The following FRMD3 variants were observed in gnomAD, a reference collection of about 807,000 sequenced individuals.
FRMD3 encodes the protein FERM domain-containing protein 3.
Under a neutral mutation model 70.2 loss-of-function variants are expected in FRMD3, and 33 were observed. The observed-to-expected ratio is 0.47, with a 90% CI of 0.36 to 0.63. FRMD3 has a LOEUF of 0.63. Ranked by LOEUF, FRMD3 falls within the 20% of genes least tolerant of loss-of-function variation. The pLI is 0.00. For missense variants in FRMD3, 632 were observed against 711.4 expected, an observed-to-expected ratio of 0.89 and a Z score of 1.27; for synonymous variants, 279 against 255.9, an observed-to-expected ratio of 1.09 and a Z score of -0.86.
chr9:83,465,330 C>T (rs1166627713), intron 1 of FRMD3, among the ~76,000 whole-genome samples: 1 of 152,174 alleles, frequency 6.6e-6, no homozygotes, highest in Non-Finnish European at 1.5e-5. Flanking sequence ...TGGCTCATGC[C>T]TGTAAGCTCA....
At chr9:83,327,573 T>C in intron 6 of FRMD3, among the ~76,000 whole-genome samples, 1 of 152,190 alleles carries the variant, frequency 6.6e-6, no homozygotes. Context: ...CTGGAGTGCC[T>C]CTAGGGGATT....
chr9:83,513,218 C>A (rs1249940005), intron 1 of FRMD3, among the ~76,000 whole-genome samples: 1 of 152,180 alleles, frequency 6.6e-6, no homozygotes, highest in South Asian at 2.1e-4. Flanking sequence ...GGTCATTTGG[C>A]CACACAAAAC....
chr9:83,310,243 A>G (rs1293132256), intron 9 of FRMD3, among the ~76,000 whole-genome samples: 1 of 152,188 alleles, frequency 6.6e-6, no homozygotes, highest in Non-Finnish European at 1.5e-5. Flanking sequence ...TCCAAAGTCT[A>G]TCCCAGTCTG....
At position 83,309,566 on chromosome 9, in the gene FRMD3, T is replaced by C. The variant is rs1368186964; in HGVS notation, c.896A>G (p.Lys299Arg). 1 of 1,599,282 alleles carries C rather than the reference T, an allele frequency of 6.3e-7. No homozygotes were observed. The highest frequency in any genetic ancestry group is 8.5e-7 in the Non-Finnish European group (1 of 1,173,060). The change falls in exon 10 of 14, where the codon AAG becomes AGG. Residue 299 changes from lysine (K) to arginine (R), a missense_variant. Around this residue, in one of 3 missense-constraint regions of FRMD3, gnomAD observed 418 missense variants for 442.1 expected, o/e 0.95. Transcript: ENST00000304195. The stretch of plus-strand genomic sequence containing the variant: ...AAAGGCCTGGTTTTCCACTCCACAC[T>C]TCCAAAGATGTTTGCAGGCAGCTGG... ...STPAACKHLW[K>R]CGVENQAFYK...
chr9:83,400,652 T>G (rs1384473078), intron 1 of FRMD3, among the ~76,000 whole-genome samples: 3 of 152,268 alleles, frequency 2.0e-5, no homozygotes, highest in Admixed American at 1.3e-4. Flanking sequence ...GTTACAGTGA[T>G]GAAGGCAATG....
chr9:83,260,760 A>G (rs550453387), intron 13 of FRMD3, among the ~76,000 whole-genome samples: 1 of 152,238 alleles, frequency 6.6e-6, no homozygotes, highest in Non-Finnish European at 1.5e-5. Flanking sequence ...CAGTCCCTCA[A>G]ATGTTTTCTA....
chr9:83,514,191 C>T (rs1564112186), intron 1 of FRMD3, among the ~76,000 whole-genome samples: 1 of 152,178 alleles, frequency 6.6e-6, no homozygotes, highest in South Asian at 2.1e-4. Flanking sequence ...CCCATGGAGC[C>T]CAACAAGCTA....
At chr9:83,289,367 T>C (rs1053408721) in intron 13 of FRMD3, among the ~76,000 whole-genome samples, 1 of 152,214 alleles carries the variant, frequency 6.6e-6, no homozygotes, top group African/African-American at 2.4e-5. Flanking sequence ...TGTAGCCCAG[T>C]TGAAGACAAG....
At chr9:83,352,852 C>T (rs1261596219) in intron 3 of FRMD3, among the ~76,000 whole-genome samples, 1 of 152,082 alleles carries the variant, frequency 6.6e-6, no homozygotes, top group Non-Finnish European at 1.5e-5. Context: ...TACAATAGGC[C>T]CACAGTCTTA....
intron 1 of FRMD3, among the ~76,000 whole-genome samples, chr9:83,408,364 T>C (rs75386076): frequency 6.6e-6 from 1 of 151,690 alleles, no homozygotes; most frequent in Non-Finnish European, 1.5e-5. Context: ...AAAAAAAAAA[T>C]ATCACAAACA....
At chr9:83,439,690 T>A (rs61424289) in intron 1 of FRMD3, among the ~76,000 whole-genome samples, 1 of 151,948 alleles carries the variant, frequency 6.6e-6, no homozygotes, top group South Asian at 2.1e-4. Flanking sequence ...CATCATTAGA[T>A]ACATATTATG....
chr9:83,566,912 A>G, the FRMD3 span, among the ~76,000 whole-genome samples: 1 of 152,152 alleles, frequency 6.6e-6, no homozygotes, highest in Admixed American at 6.5e-5. Context: ...CTGTTGGTGG[A>G]TCTACCATTC....
chr9:83,409,274 T>A (rs967362191), intron 1 of FRMD3, among the ~76,000 whole-genome samples: 1 of 152,186 alleles, frequency 6.6e-6, no homozygotes, highest in African/African-American at 2.4e-5. Flanking sequence ...CTCTCAATAT[T>A]GCATGTTACT....
chr9:83,564,819 G>A, the FRMD3 span, among the ~76,000 whole-genome samples: 5 of 152,262 alleles, frequency 3.3e-5, no homozygotes, highest in South Asian at 8.3e-4. Flanking sequence ...CCTGTACGAC[G>A]TGCATCCCAG....
At chr9:83,360,498 T>G (rs1824546389) in intron 3 of FRMD3, among the ~76,000 whole-genome samples, 1 of 152,198 alleles carries the variant, frequency 6.6e-6, no homozygotes, top group Non-Finnish European at 1.5e-5. Flanking sequence ...ACACTCATGC[T>G]GCCAGCATGT....
chr9:83,379,977 C>T (rs1021617779), intron 2 of FRMD3, among the ~76,000 whole-genome samples: 4 of 152,174 alleles, frequency 2.6e-5, no homozygotes, highest in African/African-American at 9.7e-5. Context: ...TAATCCTCTA[C>T]TCCCCTACAA....
At position 83,290,605 on chromosome 9, in the gene FRMD3, T is replaced by G. The variant is rs1834378104; in HGVS notation, c.1193A>C (p.Glu398Ala). The G allele has an allele frequency of 1.2e-6, 2 of 1,614,040 alleles. No homozygotes were observed. The highest frequency in any genetic ancestry group is 1.7e-6 in the Non-Finnish European group (2 of 1,179,968). ...SEQEEELPLG[E>A]GVPLPKEENI... ...TTGGGATGAAGAGACAGACTTACCC[T>G]CACCCAGAGGAAGTTCTTCTTCTTG... The change falls in exon 13 of 14, where the codon GAG becomes GCG. Residue 398 changes from glutamate (E) to alanine (A), a missense_variant and splice_region_variant. Physicochemically the swap from Glu to Ala is moderately radical, Grantham distance 107. Transcript: ENST00000304195.
chr9:83,358,313 A>T (rs1033417693), intron 3 of FRMD3, among the ~76,000 whole-genome samples: 6 of 152,112 alleles, frequency 3.9e-5, no homozygotes, highest in African/African-American at 1.2e-4. Context: ...TACCAGTACC[A>T]TGCTGTTTGG....
At chr9:83,556,381 T>G in the FRMD3 span, among the ~76,000 whole-genome samples, 9 of 152,348 alleles carry the variant, frequency 5.9e-5, no homozygotes, top group South Asian at 1.7e-3. Context: ...ATACACATAG[T>G]ACATGTCTTT....
Sources: allele counts gnomAD v4.1 joint callset (sites outside exome capture counted in the v4.1 genomes callset), GRCh38; gene constraint gnomAD v4.1.1; regional missense constraint gnomAD v4.1.1; transcripts MANE v1.5; gene names NCBI Gene and HGNC (gene_info 2026-07-23, HGNC 2026-07-21).